The following EPS15L1 variants were observed in gnomAD, a reference collection of about 807,000 sequenced individuals.
EPS15L1 encodes the protein epidermal growth factor receptor pathway substrate 15 like 1.
EPS15L1 carries 43 observed loss-of-function variants against 117.1 expected under a neutral mutation model. The ratio of observed to expected loss-of-function variants is 0.37; its 90% confidence interval spans 0.29 to 0.47. The LOEUF (loss-of-function observed/expected upper bound fraction) is 0.47. Among genes scored for constraint, EPS15L1 ranks in the 20% least tolerant of loss-of-function variants. The pLI, the probability that EPS15L1 is intolerant of heterozygous loss-of-function variation, is 0.99. For synonymous variants in EPS15L1, 459 were observed against 470.5 expected, an observed-to-expected ratio of 0.98 and a Z score of 0.32; for missense variants, 981 against 1,164.0, an observed-to-expected ratio of 0.84 and a Z score of 2.29.
At chr19:16,461,037 G>T (rs2093244185) in intron 1 of EPS15L1, among the ~76,000 whole-genome samples, 1 of 151,914 alleles carries the variant, frequency 6.6e-6, no homozygotes, top group Non-Finnish European at 1.5e-5. Flanking sequence ...CAGGCGCGGT[G>T]GCTCACGCCT....
At chr19:16,423,896 T>A (rs1295519734) in intron 9 of EPS15L1, among the ~76,000 whole-genome samples, 1 of 152,098 alleles carries the variant, frequency 6.6e-6, no homozygotes, top group East Asian at 1.9e-4. Flanking sequence ...ACGTATGAAA[T>A]TATAGCTCTG....
intron 11 of EPS15L1, 40 bp from the exon 12 acceptor site, chr19:16,417,677 C>T (rs1190010225): frequency 2.0e-6 from 3 of 1,520,180 alleles, no homozygotes; most frequent in Non-Finnish European, 2.7e-6. Context: ...AATTAGCAAC[C>T]TGACATCACC....
At chr19:16,386,278 C>T (rs775157935) in intron 19 of EPS15L1, 47 bp from the exon 20 acceptor site, 9 of 1,470,038 alleles carry the variant, frequency 6.1e-6, no homozygotes, top group African/African-American at 1.4e-5. Flanking sequence ...TCGTTGGTTC[C>T]ATCACCCATT....
intron 9 of EPS15L1, among the ~76,000 whole-genome samples, chr19:16,424,553 G>C (rs1212785658): frequency 6.6e-6 from 1 of 152,014 alleles, no homozygotes; most frequent in Non-Finnish European, 1.5e-5. Flanking sequence ...GCTCACACCT[G>C]TAATCCCAGC....
At position 16,392,179 on chromosome 19, in the gene EPS15L1, C is replaced by T. The variant is rs1014277243; in HGVS notation, c.2103+125G>A. The T allele has an allele frequency of 5.4e-5, 58 of 1,079,006 alleles. No individual in the cohort carries two copies. The Admixed American group carries it at 1.2e-3, about 23-fold the overall frequency. The allele number at this position is 1,079,006 out of a possible 1,614,324, so 66.8% of individuals were successfully genotyped here. A position where few individuals can be genotyped will look rare whatever the true frequency, so the allele number is the denominator to read the frequency against. ...GGGATACCAGCTCCCGGAGAACAGA[C>T]ACCATGGCCCACACTCGCAGGCACC... On this transcript the variant is annotated intron_variant, in intron 19 of 23. Transcript: ENST00000455140.
chr19:16,401,163 G>A lies in EPS15L1; in HGVS notation c.1791+1158C>T, dbSNP rs559003147. ...GGAAACCACCTCATTACGAGTCCAC[G>A]AGAAAAGAGAGTATGGGAGGAAAGA... is the stretch of plus-strand genomic sequence containing the variant. On this transcript the variant is annotated intron_variant, in intron 16 of 23. Transcript: ENST00000455140. 31 of 985,220 alleles carry A rather than the reference G, an allele frequency of 3.1e-5. No individual in the cohort carries two copies. In the African/African-American group the frequency reaches 3.5e-4, roughly 11 times the overall value. The allele number at this position is 985,220 out of a possible 1,614,324, so 61.0% of individuals were successfully genotyped here. A position where few individuals can be genotyped will look rare whatever the true frequency, so the allele number is the denominator to read the frequency against.
At chr19:16,415,681 C>G (rs915583460) in intron 12 of EPS15L1, among the ~76,000 whole-genome samples, 5 of 152,242 alleles carry the variant, frequency 3.3e-5, no homozygotes, top group Non-Finnish European at 7.3e-5. Context: ...CCACTGCAGG[C>G]CCCAGCCTCC....
At chr19:16,378,116 G>GTGGATGGA (rs752671351) in intron 21 of EPS15L1, among the ~76,000 whole-genome samples, 1 of 152,030 alleles carries the variant, frequency 6.6e-6, no homozygotes, top group African/African-American at 2.4e-5. Context: ...TGGCGGGTGG[G>GTGGATGGA]TGGATGGATG....
Position 16,368,742 on chromosome 19 carries a change from G to T in EPS15L1, c.2381-6758C>A, listed in dbSNP as rs1019134800. Among the ~76,000 whole-genome samples the T allele has an allele frequency of 2.6e-5, 4 of 151,534 alleles. No homozygotes were observed. The East Asian group carries it at 5.9e-4, about 22-fold the overall frequency. On this transcript the variant is annotated intron_variant, in intron 22 of 23. Coordinates refer to ENST00000455140, the MANE Select transcript of EPS15L1 (RefSeq NM_001258374.3). ...CTGTCATTCACCCTACACAACAGGT[G>T]ATCCCACAAAACCATCATTCACCCT... is the stretch of plus-strand genomic sequence containing the variant.
chr19:16,425,075 C>T lies in EPS15L1; in HGVS notation c.792+8G>A, dbSNP rs752143001. The stretch of plus-strand genomic sequence containing the variant: ...GAGAGGGGGCTGTGCCCGCTGAGGG[C>T]TCCGTACCTGTGTTTGCTTGAGGCT... On this transcript the variant is annotated splice_region_variant and intron_variant, in intron 9 of 23. Coordinates refer to ENST00000455140, the MANE Select transcript of EPS15L1 (RefSeq NM_001258374.3). 1 of 1,611,676 alleles carries T rather than the reference C, an allele frequency of 6.2e-7. No individual in the cohort carries two copies. Among genetic ancestry groups the T allele is most frequent in the Admixed American group, 1.7e-5 (1 of 60,024 alleles).
At position 16,370,901 on chromosome 19, in the gene EPS15L1, C is replaced by T. The variant is rs538351315; in HGVS notation, c.2380+6221G>A. 3.3e-5 allele frequency among the ~76,000 whole-genome samples: 5 copies of T among 152,242 alleles called. No homozygotes were observed. Among genetic ancestry groups the T allele is most frequent in the Admixed American group, 2.0e-4 (3 of 15,298 alleles). ...GAAAGAGGGACTCCACCTGGTTGGC[C>T]GTTTTAGGCTCCTTGGGACCCCCTC... is the stretch of plus-strand genomic sequence containing the variant. On this transcript the variant is annotated intron_variant, in intron 22 of 23. Transcript: ENST00000455140. This position sits in a 1 kb window ranked among gnomAD's most constrained non-coding sequence, Gnocchi z 5.2.
At chr19:16,456,868 G>A (rs1280382039) in intron 1 of EPS15L1, among the ~76,000 whole-genome samples, 2 of 152,138 alleles carry the variant, frequency 1.3e-5, no homozygotes, top group Non-Finnish European at 2.9e-5. Flanking sequence ...CACGGCCCCA[G>A]TCAGGTGGAA....
chr19:16,450,374 C>T (rs1261343259), intron 1 of EPS15L1, among the ~76,000 whole-genome samples: 3 of 151,362 alleles, frequency 2.0e-5, no homozygotes, highest in African/African-American at 7.4e-5. Context: ...GGTTCCTCTC[C>T]AGGGCAGGGA....
intron 1 of EPS15L1, among the ~76,000 whole-genome samples, chr19:16,445,017 C>T (rs1381442031): frequency 6.6e-6 from 1 of 152,182 alleles, no homozygotes. Context: ...CCACGCCCAG[C>T]CCCAGGCGAG....
At chr19:16,399,447 A>G (rs2092574295) in intron 16 of EPS15L1, among the ~76,000 whole-genome samples, 1 of 152,142 alleles carries the variant, frequency 6.6e-6, no homozygotes, top group Admixed American at 6.5e-5. Flanking sequence ...GTGAAGTTGT[A>G]CCCTTCTTAG....
chr19:16,376,943 A>C (rs2092303623), intron 22 of EPS15L1, among the ~76,000 whole-genome samples, 179 bp downstream of exon 22: 1 of 152,204 alleles, frequency 6.6e-6, no homozygotes, highest in Non-Finnish European at 1.5e-5. Context: ...CAGGAGGCAC[A>C]CACCACGCAC....
chr19:16,442,675 T>C (rs1488630362), intron 1 of EPS15L1, among the ~76,000 whole-genome samples: 1 of 152,178 alleles, frequency 6.6e-6, no homozygotes, highest in Admixed American at 6.5e-5. Context: ...CTGGGTCTGG[T>C]TCTCAACCAT....
At chr19:16,360,952 G>C (rs1250356864) in intron 23 of EPS15L1, among the ~76,000 whole-genome samples, 1 of 152,110 alleles carries the variant, frequency 6.6e-6, no homozygotes, top group African/African-American at 2.4e-5. Flanking sequence ...GGAAGAAAGC[G>C]AGGGCATCAC....
chr19:16,441,112 A>G, intron 3 of EPS15L1: 1 of 613,922 alleles, frequency 1.6e-6, no homozygotes, highest in Non-Finnish European at 2.9e-6. Context: ...CAGGGCCCAG[A>G]GGACATCCAG....
Sources: gnomAD v4.1 joint callset for allele counts (sites outside exome capture counted in the v4.1 genomes callset) on GRCh38, gnomAD v4.1.1 for gene constraint, Gnocchi (gnomAD v3.1) non-coding constraint, MANE v1.5 for transcripts, NCBI Gene and HGNC (gene_info 2026-07-23, HGNC 2026-07-21) for gene names.